PAG1: variants seen among roughly 807,000 people sequenced by gnomAD.
PAG1 encodes the protein phosphoprotein membrane anchor with glycosphingolipid microdomains 1, also known as phosphoprotein associated with glycosphingolipid-enriched microdomains 1.
In PAG1, 23 loss-of-function variants were observed where a neutral mutation model predicts 31.7. The ratio of observed to expected loss-of-function variants is 0.73; its 90% CI spans 0.52 to 1.03. The LOEUF (loss-of-function observed/expected upper bound fraction) is 1.03, where lower values mean the gene tolerates loss of function less well. Among genes scored for constraint, PAG1 ranks in the 50% least tolerant of loss-of-function variants. The probability of loss-of-function intolerance (pLI) is 0.00; values close to 1 mark genes in which losing one functional copy is unlikely to be tolerated. For missense variants in PAG1, 473 were observed against 540.7 expected, an observed-to-expected ratio of 0.87 and a Z score of 1.24; for synonymous variants, 214 against 210.3, an observed-to-expected ratio of 1.02 and a Z score of -0.15.
chr8:81,028,862 A>C (rs193251434), intron 3 of PAG1, among the ~76,000 whole-genome samples: 56 of 152,280 alleles, frequency 3.7e-4, no homozygotes, highest in Admixed American at 1.0e-3. Context: ...TACAGCCTAC[A>C]TTTCCCTCAC....
intron 1 of PAG1, among the ~76,000 whole-genome samples, chr8:81,092,776 T>C (rs1474345912): frequency 1.3e-5 from 2 of 152,260 alleles, no homozygotes; most frequent in East Asian, 1.9e-4. Context: ...ATGGGTCTGA[T>C]TTAATAAATC....
chr8:81,065,646 T>G (rs1220964366), intron 2 of PAG1, among the ~76,000 whole-genome samples: 1 of 151,752 alleles, frequency 6.6e-6, no homozygotes, highest in Non-Finnish European at 1.5e-5. Flanking sequence ...ATTCTACCCA[T>G]TAGAAGCATT....
chr8:81,076,143 C>G (rs956895689), intron 1 of PAG1, among the ~76,000 whole-genome samples: 1 of 152,238 alleles, frequency 6.6e-6, no homozygotes, highest in African/African-American at 2.4e-5. Flanking sequence ...AAAATGCCAG[C>G]AATGACTTCT....
intron 3 of PAG1, among the ~76,000 whole-genome samples, chr8:80,995,237 T>A (rs1807647596): frequency 6.6e-6 from 1 of 152,248 alleles, no homozygotes; most frequent in Non-Finnish European, 1.5e-5. Flanking sequence ...AATCTTTGAA[T>A]CAACATGAAC....
At chr8:81,053,009 T>C (rs1808758041) in intron 2 of PAG1, among the ~76,000 whole-genome samples, 1 of 152,260 alleles carries the variant, frequency 6.6e-6, no homozygotes, top group Non-Finnish European at 1.5e-5. Context: ...ATTTTTACAA[T>C]GCTCTTCTGT....
At chr8:81,038,220 A>G (rs1808494596) in intron 2 of PAG1, among the ~76,000 whole-genome samples, 1 of 152,184 alleles carries the variant, frequency 6.6e-6, no homozygotes, top group African/African-American at 2.4e-5. Flanking sequence ...AAGCCGAGAA[A>G]GTTGTGGGGT....
chr8:81,103,104 C>A (rs1420077927), intron 1 of PAG1, among the ~76,000 whole-genome samples: 4 of 146,994 alleles, frequency 2.7e-5, no homozygotes, highest in Admixed American at 6.9e-5. Flanking sequence ...TACTCAGATT[C>A]TTTTTTAGTG....
At chr8:80,989,950 C>A (rs1397394590) in intron 5 of PAG1, among the ~76,000 whole-genome samples, 1 of 152,166 alleles carries the variant, frequency 6.6e-6, no homozygotes, top group Non-Finnish European at 1.5e-5. Flanking sequence ...CACCACCCAA[C>A]TGGCACCAGG....
chr8:80,997,595 A>G (rs56212185), intron 3 of PAG1, among the ~76,000 whole-genome samples: 2,545 of 152,300 alleles, frequency 0.017, 69 homozygotes, highest in African/African-American at 0.059. Flanking sequence ...ATCAGACCAC[A>G]TGTGTAAATA....
intron 2 of PAG1, among the ~76,000 whole-genome samples, chr8:81,048,798 G>A (rs1808682449): frequency 6.6e-6 from 1 of 152,126 alleles, no homozygotes; most frequent in South Asian, 2.1e-4. Context: ...GTGAGATTGT[G>A]TCCCATCTCC....
chr8:80,998,126 TCC>T (rs1807717697), intron 3 of PAG1, among the ~76,000 whole-genome samples: 1 of 122,338 alleles, frequency 8.2e-6, no homozygotes, highest in African/African-American at 3.3e-5. Flanking sequence ...ACAGCAGGTG[TCC>T]TTTTTTTTTT....
intron 2 of PAG1, among the ~76,000 whole-genome samples, chr8:81,060,814 G>A (rs764746618): frequency 2.6e-5 from 4 of 152,214 alleles, no homozygotes; most frequent in Non-Finnish European, 5.9e-5. Flanking sequence ...AAGTAGCAAA[G>A]GCTCTGAGAT....
At chr8:80,989,916 G>A (rs957068539) in intron 5 of PAG1, among the ~76,000 whole-genome samples, 4 of 152,138 alleles carry the variant, frequency 2.6e-5, no homozygotes, top group Admixed American at 1.3e-4. Flanking sequence ...GAATGGCGGT[G>A]GGAGCCCTTC....
At chr8:81,083,865 T>C (rs1431138688) in intron 1 of PAG1, among the ~76,000 whole-genome samples, 5 of 151,886 alleles carry the variant, frequency 3.3e-5, no homozygotes, top group Non-Finnish European at 7.4e-5. Context: ...TGAAACCCCA[T>C]CTCTACTGAA....
At chr8:81,087,234 T>A (rs1481050726) in intron 1 of PAG1, among the ~76,000 whole-genome samples, 1 of 151,696 alleles carries the variant, frequency 6.6e-6, no homozygotes, top group African/African-American at 2.4e-5. Flanking sequence ...TCCCAGCTAT[T>A]CTGGAGGCTG....
chr8:81,095,684 C>A (rs552988444), intron 1 of PAG1, among the ~76,000 whole-genome samples: 72 of 152,300 alleles, frequency 4.7e-4, no homozygotes, highest in Non-Finnish European at 9.0e-4. Flanking sequence ...GGGTAGATAG[C>A]CTGTTTGCTT....
chr8:80,992,304 T>G, intron 4 of PAG1, among the ~76,000 whole-genome samples: 1 of 152,250 alleles, frequency 6.6e-6, no homozygotes, highest in East Asian at 1.9e-4. Flanking sequence ...TTTCTCCTCC[T>G]GACAGATTTT....
intron 3 of PAG1, among the ~76,000 whole-genome samples, chr8:81,005,656 C>G (rs1373253861): frequency 6.6e-6 from 1 of 152,222 alleles, no homozygotes; most frequent in Non-Finnish European, 1.5e-5. Context: ...CGTGTTCTGT[C>G]AACTGAAGTG....
At chr8:80,987,328 GA>G in intron 6 of PAG1, 41 bp downstream of exon 6, 1 of 1,224,948 alleles carries the variant, frequency 8.2e-7, no homozygotes, top group East Asian at 2.3e-5. Flanking sequence ...TTCCAGAGGT[GA>G]TGAGGCCTGT....
Sources: gnomAD v4.1 joint callset for allele counts (sites outside exome capture counted in the v4.1 genomes callset) on GRCh38, gnomAD v4.1.1 for gene constraint, MANE v1.5 for transcripts, NCBI Gene and HGNC (gene_info 2026-07-23, HGNC 2026-07-21) for gene names.